Variants in AKAP13 observed in about 807,000 individuals in gnomAD.
AKAP13 encodes A-kinase anchor protein 13.
Under a neutral mutation model 264.5 loss-of-function variants are expected in AKAP13, and 80 were observed. The ratio of observed to expected loss-of-function variants is 0.30; its 90% CI spans 0.25 to 0.36. The LOEUF (loss-of-function observed/expected upper bound fraction) is 0.36. Among genes scored for constraint, AKAP13 ranks in the 10% least tolerant of loss-of-function variants. The probability of loss-of-function intolerance (pLI) is 1.00; values close to 1 mark genes in which losing one functional copy is unlikely to be tolerated. For synonymous variants in AKAP13, 1,380 were observed against 1,250.2 expected, an observed-to-expected ratio of 1.10 and a Z score of -2.19; for missense variants, 3,712 against 3,435.2, an observed-to-expected ratio of 1.08 and a Z score of -2.01.
At chr15:85,661,133 G>T (rs924264484) in intron 12 of AKAP13, among the ~76,000 whole-genome samples, 2 of 152,074 alleles carry the variant, frequency 1.3e-5, no homozygotes, top group African/African-American at 2.4e-5. Context: ...AGGTAGCAGG[G>T]TATTTTTTTA....
At chr15:85,735,447 G>C in intron 31 of AKAP13, 113 bp from the exon 32 acceptor site, 1 of 1,099,114 alleles carries the variant, frequency 9.1e-7, no homozygotes, top group Non-Finnish European at 1.3e-6. Flanking sequence ...CCTTTTTGGG[G>C]GCATCAGTAG....
chr15:85,651,576 T>C (rs1426081871), intron 10 of AKAP13: 3 of 152,272 alleles, frequency 2.0e-5, no homozygotes, highest in South Asian at 4.1e-4. Context: ...GAGGCCATGC[T>C]AATCGTCTGT....
rs1346595217 is a variant in AKAP13 at position 85,582,090 on chromosome 15, G to A, written c.4022G>A (p.Gly1341Glu). The A allele has an allele frequency of 1.7e-5, 27 of 1,597,746 alleles. No individual in the cohort carries two copies. Among genetic ancestry groups the A allele is most frequent in the East Asian group, 2.2e-5 (1 of 44,674 alleles). Residue 1341 changes from glycine (G) to glutamate (E), a missense_variant, in exon 7 of 37, where the codon GGG becomes GAG. This residue lies in a region of AKAP13 where 2,759 missense variants were observed against 2,411.7 expected (regional missense o/e 1.14). Transcript: ENST00000394518. ...GAGAAGATCATTTTACCTGTCCAGGGGCCTGAGCCAGCAGCAGGTAAGCAA... is the reference window on the plus strand; with the variant it reads ...GAGAAGATCATTTTACCTGTCCAGGAGCCTGAGCCAGCAGCAGGTAAGCAA... Reference protein sequence around the residue: ...EPEKIILPVQGPEPAAEMPDV... With the variant: ...EPEKIILPVQEPEPAAEMPDV...
intron 14 of AKAP13, chr15:85,677,145 C>T: frequency 1.0e-6 from 1 of 985,320 alleles, no homozygotes; most frequent in Middle Eastern, 5.2e-4. Flanking sequence ...GAAGGTCTGA[C>T]CAGCTCAGAA....
intron 3 of AKAP13, among the ~76,000 whole-genome samples, chr15:85,526,699 C>G (rs899106859): frequency 6.6e-6 from 1 of 152,162 alleles, no homozygotes; most frequent in Non-Finnish European, 1.5e-5. Flanking sequence ...AATTCTGACA[C>G]CCCCCATCCC....
Position 85,741,355 on chromosome 15 carries a change from C to T in AKAP13, c.7918C>T (p.Leu2640Phe), listed in dbSNP as rs1328303956. ...QQDLEKEREELQQKKGTYQYD... is the reference protein window; with the variant it reads ...QQDLEKEREEFQQKKGTYQYD... The stretch of plus-strand genomic sequence containing the variant: ...GGACCTGGAAAAGGAGCGGGAGGAG[C>T]TCCAGCAGAAGAAGGGCACATACCA... The change falls in exon 35 of 37, where the codon CTC becomes TTC. Residue 2640 changes from leucine to phenylalanine, a missense_variant. Coordinates refer to ENST00000394518, the MANE Select transcript of AKAP13 (RefSeq NM_007200.5). 1 of 1,613,946 alleles carries T rather than the reference C, an allele frequency of 6.2e-7. No individual in the cohort carries two copies.
chr15:85,583,101 C>G (rs2079192601), intron 7 of AKAP13: 1 of 985,488 alleles, frequency 1.0e-6, no homozygotes, highest in Non-Finnish European at 1.2e-6. Flanking sequence ...CACTTCTATA[C>G]CACCACCTGT....
intron 1 of AKAP13, among the ~76,000 whole-genome samples, chr15:85,472,705 T>C (rs2075004195): frequency 2.0e-5 from 3 of 152,208 alleles, no homozygotes; most frequent in South Asian, 4.1e-4. Context: ...ACTTCTCATA[T>C]AGGGGAGGAA....
chr15:85,394,616 CAT>C (rs776103303), intron 1 of AKAP13, among the ~76,000 whole-genome samples: 2 of 152,152 alleles, frequency 1.3e-5, no homozygotes, highest in Non-Finnish European at 2.9e-5. Flanking sequence ...CACCTGATTC[CAT>C]CTCCTCTCCT....
At chr15:85,532,926 C>T (rs16941065) in intron 3 of AKAP13, among the ~76,000 whole-genome samples, 83 of 152,322 alleles carry the variant, frequency 5.4e-4, no homozygotes, top group East Asian at 5.0e-3. Flanking sequence ...TATCCTCATG[C>T]AAACCAGGTA....
intron 1 of AKAP13, among the ~76,000 whole-genome samples, chr15:85,440,003 A>G (rs1042991107): frequency 1.3e-5 from 2 of 151,838 alleles, no homozygotes; most frequent in African/African-American, 4.8e-5. Flanking sequence ...AATAAATAAA[A>G]ACCAGGTTGT....
rs896930420 is a variant in AKAP13, at chr15:85,582,719, C to A, written c.4039+612C>A. ...TGTTGACGGGGAACTCCTTCCTTTTCCTGCTTGGGGAGTGGACCTCTAGTT... is the reference window on the plus strand; with the variant it reads ...TGTTGACGGGGAACTCCTTCCTTTTACTGCTTGGGGAGTGGACCTCTAGTT... On this transcript the variant is annotated intron_variant, in intron 7 of 36. Coordinates refer to ENST00000394518, the MANE Select transcript of AKAP13 (RefSeq NM_007200.5). 2.0e-5 allele frequency among the ~76,000 whole-genome samples: 3 copies of A among 151,390 alleles called. No homozygotes were observed. The South Asian group carries it at 6.3e-4, about 32-fold the overall frequency.
At chr15:85,694,946 C>G (rs1353355818) in intron 17 of AKAP13, among the ~76,000 whole-genome samples, 2 of 152,016 alleles carry the variant, frequency 1.3e-5, no homozygotes, top group Non-Finnish European at 2.9e-5. Flanking sequence ...AGTTAACTTA[C>G]TGAAATCTGA....
At chr15:85,701,482 T>C (rs1429605991) in intron 17 of AKAP13, among the ~76,000 whole-genome samples, 3 of 152,102 alleles carry the variant, frequency 2.0e-5, no homozygotes, top group Non-Finnish European at 2.9e-5. Context: ...CTCTGTCACC[T>C]AGGCTGGAGT....
intron 1 of AKAP13, among the ~76,000 whole-genome samples, chr15:85,424,116 C>T (rs1171532685): frequency 6.6e-6 from 1 of 152,202 alleles, no homozygotes; most frequent in Non-Finnish European, 1.5e-5. Flanking sequence ...GCATTGGCTT[C>T]AACTTAAAGT....
intron 12 of AKAP13, among the ~76,000 whole-genome samples, chr15:85,661,525 C>G (rs1374303852): frequency 1.3e-5 from 2 of 151,978 alleles, no homozygotes; most frequent in Admixed American, 6.6e-5. Context: ...TTGAGACCAG[C>G]CTGACCAACA....
intron 1 of AKAP13, among the ~76,000 whole-genome samples, chr15:85,408,939 A>G (rs1358882430): frequency 6.6e-6 from 1 of 151,642 alleles, no homozygotes; most frequent in African/African-American, 2.4e-5. Flanking sequence ...TTACATTTCT[A>G]ACAGCAGTGC....
intron 1 of AKAP13, among the ~76,000 whole-genome samples, chr15:85,465,232 G>C (rs1031288339): frequency 2.0e-5 from 3 of 151,952 alleles, no homozygotes; most frequent in African/African-American, 7.2e-5. Context: ...GATTACAGGC[G>C]TGAGCCACCA....
chr15:85,386,000 A>T (rs2070539126), intron 1 of AKAP13, among the ~76,000 whole-genome samples: 1 of 150,726 alleles, frequency 6.6e-6, no homozygotes, highest in Non-Finnish European at 1.5e-5. Context: ...TAATTTTTGT[A>T]TTTTAGTAGA....
Sources: gnomAD v4.1 joint callset for allele counts (sites outside exome capture counted in the v4.1 genomes callset) on GRCh38, gnomAD v4.1.1 for gene constraint, gnomAD v4.1.1 regional missense constraint, MANE v1.5 for transcripts, NCBI Gene and HGNC (gene_info 2026-07-23, HGNC 2026-07-21) for gene names.